Variants in PSPC1 observed in about 807,000 individuals in gnomAD.
The protein encoded by PSPC1 is paraspeckle protein 1.
In PSPC1, 14 loss-of-function variants were observed where a neutral mutation model predicts 51.6. The ratio of observed to expected loss-of-function variants is 0.27; its 90% confidence interval spans 0.18 to 0.42. The LOEUF (loss-of-function observed/expected upper bound fraction) is 0.42, where lower values mean the gene tolerates loss of function less well. Among genes scored for constraint, PSPC1 ranks in the 10% least tolerant of loss-of-function variants. The probability of loss-of-function intolerance (pLI) is 1.00; values close to 1 mark genes in which losing one functional copy is unlikely to be tolerated. For synonymous variants in PSPC1, 193 were observed against 231.9 expected (o/e 0.83, Z 1.53); for missense variants, 406 against 701.1 (o/e 0.58, Z 4.75).
intron 6 of PSPC1, among the ~76,000 whole-genome samples, chr13:19,693,856 G>A (rs1277585654): frequency 6.6e-6 from 1 of 152,032 alleles, no homozygotes; most frequent in East Asian, 1.9e-4. Context: ...AGGCGCGGTG[G>A]CTCACGCCTG....
intron 4 of PSPC1, among the ~76,000 whole-genome samples, chr13:19,748,759 C>T (rs1886244399): frequency 6.8e-6 from 1 of 147,852 alleles, no homozygotes; most frequent in Non-Finnish European, 1.5e-5. Flanking sequence ...AGGTGGGAAA[C>T]AAAATGGCAG....
chr13:19,760,185 C>G (rs1745441425), intron 2 of PSPC1, among the ~76,000 whole-genome samples: 1 of 152,066 alleles, frequency 6.6e-6, no homozygotes, highest in Non-Finnish European at 1.5e-5. Context: ...CCCATCTGTA[C>G]CCACCACCCA....
chr13:19,735,351 A>G (rs560107685), intron 5 of PSPC1, among the ~76,000 whole-genome samples: 2 of 152,242 alleles, frequency 1.3e-5, no homozygotes, highest in African/African-American at 4.8e-5. Flanking sequence ...AGGTGAGTAA[A>G]TGGGTGGAAA....
At chr13:19,739,807 A>T (rs1436956080) in intron 5 of PSPC1, among the ~76,000 whole-genome samples, 1 of 152,024 alleles carries the variant, frequency 6.6e-6, no homozygotes, top group Admixed American at 6.6e-5. Flanking sequence ...AGGAAAAAAG[A>T]AAAGTTTTAA....
intron 6 of PSPC1, among the ~76,000 whole-genome samples, chr13:19,712,493 T>C (rs1265435825): frequency 6.6e-6 from 1 of 152,170 alleles, no homozygotes; most frequent in African/African-American, 2.4e-5. Flanking sequence ...AGTACCTTCT[T>C]TTATTATTAA....
downstream of PSPC1, among the ~76,000 whole-genome samples, chr13:19,699,893 G>C (rs940525688): frequency 6.6e-6 from 1 of 151,862 alleles, no homozygotes; most frequent in Non-Finnish European, 1.5e-5. Flanking sequence ...TAACACATTA[G>C]ATGTTGTAAC....
intron 4 of PSPC1, among the ~76,000 whole-genome samples, chr13:19,750,863 G>A (rs1053118037): frequency 2.0e-5 from 3 of 151,836 alleles, no homozygotes; most frequent in East Asian, 1.9e-4. Context: ...TCTACCTCCC[G>A]GGTTCAAGCA....
chr13:19,712,883 G>C (rs1364902986), intron 6 of PSPC1, among the ~76,000 whole-genome samples: 1 of 151,968 alleles, frequency 6.6e-6, no homozygotes, highest in African/African-American at 2.4e-5. Context: ...TCTTAGAAGG[G>C]GCAAAAGAAA....
intron 5 of PSPC1, among the ~76,000 whole-genome samples, chr13:19,735,688 C>T (rs1767613185): frequency 6.6e-6 from 1 of 152,126 alleles, no homozygotes; most frequent in South Asian, 2.1e-4. Context: ...TCTTACTTGG[C>T]AGCAGCCTCA....
intron 6 of PSPC1, among the ~76,000 whole-genome samples, chr13:19,694,953 C>A (rs185484823): frequency 9.2e-5 from 14 of 152,340 alleles, no homozygotes; most frequent in Admixed American, 3.9e-4. Flanking sequence ...CACTCTATTA[C>A]ACAAATGCTA....
chr13:19,743,549 G>A (rs1010613592), intron 4 of PSPC1, among the ~76,000 whole-genome samples: 4 of 152,176 alleles, frequency 2.6e-5, no homozygotes, highest in Admixed American at 2.6e-4. Flanking sequence ...TGGGATGCCA[G>A]GCCAAACCTC....
At chr13:19,777,866 A>T (rs1415683191) in intron 1 of PSPC1, among the ~76,000 whole-genome samples, 1 of 152,010 alleles carries the variant, frequency 6.6e-6, no homozygotes, top group African/African-American at 2.4e-5. Flanking sequence ...GAATCGCTTG[A>T]ACCAGGGAGG....
intron 1 of PSPC1, among the ~76,000 whole-genome samples, chr13:19,779,367 C>T (rs1182219806): frequency 8.4e-5 from 9 of 106,608 alleles, no homozygotes; most frequent in Non-Finnish European, 1.0e-4. Context: ...CCGTGCCGTC[C>T]GGGAGGGAGG....
chr13:19,698,548 T>C (rs928901834), downstream of PSPC1, among the ~76,000 whole-genome samples: 7 of 151,936 alleles, frequency 4.6e-5, no homozygotes, highest in Admixed American at 4.6e-4. Context: ...TACTTAATTC[T>C]AATTCTATTC....
chr13:19,675,688 G>C (rs1448554513), intron 7 of PSPC1: 1 of 152,140 alleles, frequency 6.6e-6, no homozygotes, highest in Non-Finnish European at 1.5e-5. Context: ...TAGTAAACAG[G>C]ATCTAATCTC....
At chr13:19,692,247 C>T (rs1878658619) in intron 6 of PSPC1, among the ~76,000 whole-genome samples, 2 of 152,136 alleles carry the variant, frequency 1.3e-5, no homozygotes, top group African/African-American at 4.8e-5. Flanking sequence ...CCTCAGCCTC[C>T]CGAGTAGCTG....
intron 5 of PSPC1, among the ~76,000 whole-genome samples, chr13:19,739,598 T>C (rs142972963): frequency 0.011 from 1,722 of 151,558 alleles, 33 homozygotes; most frequent in African/African-American, 0.038. Flanking sequence ...AAATACAAAA[T>C]AAGGTGGGCA....
In PSPC1 at chr13:19,754,377, C is replaced by T. The variant is rs141392859; in HGVS notation, c.771-2910G>A. Among the ~76,000 whole-genome samples the T allele has an allele frequency of 3.4e-3, 510 of 151,300 alleles. 6 individuals carry two copies. The highest frequency in any genetic ancestry group is 4.7e-3 in the Non-Finnish European group (320 of 67,884). On this transcript the variant is annotated intron_variant, in intron 3 of 8. Transcript: ENST00000338910. ...CAGGGATTACAGGTGTGAGGCACTG[C>T]GCCCAGCCTTGTGAGCATTTTCTTC...
intron 2 of PSPC1, among the ~76,000 whole-genome samples, chr13:19,761,620 C>T (rs1416895678): frequency 6.6e-6 from 1 of 152,080 alleles, no homozygotes; most frequent in African/African-American, 2.4e-5. Flanking sequence ...TTTAAGGAAA[C>T]AGTTAAAGCA....
Sources: gnomAD v4.1 joint callset for allele counts (sites outside exome capture counted in the v4.1 genomes callset) on GRCh38, gnomAD v4.1.1 for gene constraint, MANE v1.5 for transcripts, NCBI Gene and HGNC (gene_info 2026-07-23, HGNC 2026-07-21) for gene names.